The following PCDHA4 variants were observed in gnomAD, a reference collection of about 807,000 sequenced individuals.
PCDHA4 encodes protocadherin alpha 4.
Under a neutral mutation model 61.4 loss-of-function variants are expected in PCDHA4, and 49 were observed. That is an observed-to-expected ratio of 0.80 (90% CI 0.63 to 1.01). The LOEUF is 1.01. Ranked by LOEUF, PCDHA4 falls within the 50% of genes least tolerant of loss-of-function variation. The pLI is 0.00. For missense variants in PCDHA4, 1,254 were observed against 1,235.8 expected, an observed-to-expected ratio of 1.01 and a Z score of -0.22; for synonymous variants, 590 against 550.3, an observed-to-expected ratio of 1.07 and a Z score of -1.01.
Position 140,857,722 on chromosome 5 carries a change from C to G in PCDHA4, c.2385+48150C>G, listed in dbSNP as rs371525843. The G allele has an allele frequency of 7.4e-5, 119 of 1,597,430 alleles. 2 individuals carry two copies. The highest frequency in any genetic ancestry group is 6.2e-4 in the East Asian group (28 of 44,824). The stretch of plus-strand genomic sequence containing the variant: ...TGCAGGTGTTCGTGCTGGACGAGAA[C>G]GACAACGCTCCCGCGCTGCTGGCGT... On this transcript the variant is annotated intron_variant, in intron 1 of 3. Transcript: ENST00000530339.
chr5:140,935,550 C>G (rs1419018426), intron 1 of PCDHA4, among the ~76,000 whole-genome samples: 2 of 152,156 alleles, frequency 1.3e-5, no homozygotes, highest in African/African-American at 4.8e-5. Flanking sequence ...TTTAAAGTAT[C>G]TTGGAAAAGT....
intron 1 of PCDHA4, chr5:140,883,399 T>C (rs143292342): frequency 3.1e-5 from 50 of 1,614,100 alleles, no homozygotes; most frequent in Non-Finnish European, 4.1e-5. Flanking sequence ...TGTCCGATCG[T>C]GACTCTGGCT....
At chr5:140,943,613 C>G (rs1490811039) in intron 1 of PCDHA4, among the ~76,000 whole-genome samples, 1 of 152,026 alleles carries the variant, frequency 6.6e-6, no homozygotes, top group African/African-American at 2.4e-5. Context: ...GACTTTGATT[C>G]ATCTGCATAA....
chr5:140,978,140 T>C (rs1379052059), intron 1 of PCDHA4, among the ~76,000 whole-genome samples: 2 of 152,222 alleles, frequency 1.3e-5, no homozygotes, highest in Non-Finnish European at 2.9e-5. Flanking sequence ...ATTTTCCTCT[T>C]TGTTCTCCCC....
At chr5:140,993,464 A>T (rs1309811031) in intron 3 of PCDHA4, among the ~76,000 whole-genome samples, 11 of 28,960 alleles carry the variant, frequency 3.8e-4, no homozygotes, top group South Asian at 2.7e-3. Flanking sequence ...TTTCTTTCTC[A>T]CACACACACA....
rs965761415 is a variant in PCDHA4, at chr5:140,845,214, T to C, written c.2385+35642T>C. 9.4e-5 allele frequency among the ~76,000 whole-genome samples: 14 copies of C among 149,518 alleles called. 1 individual carries two copies. The highest frequency in any genetic ancestry group is 1.3e-4 in the Non-Finnish European group (9 of 66,830). On this transcript the variant is annotated intron_variant, in intron 1 of 3. Coordinates refer to ENST00000530339, the MANE Select transcript of PCDHA4 (RefSeq NM_018907.4). ...ATGATTGTTTTCATTTAAGTCCTTT[T>C]AAAAAATATGATTATCTTTATTATC... is the stretch of plus-strand genomic sequence containing the variant.
rs2150527140 is a variant in PCDHA4 at position 140,853,018 on chromosome 5, A to G, written c.2385+43446A>G. 8 of 268,768 alleles carry G rather than the reference A, an allele frequency of 3.0e-5. No homozygotes were observed. In the East Asian group the frequency reaches 8.8e-4, roughly 30 times the overall value. 16.6% of individuals were successfully genotyped at this position (268,768 alleles called of 1,614,324 possible). A position where few individuals can be genotyped will look rare whatever the true frequency, so the allele number is the denominator to read the frequency against. ...CTCAGCCTCCCGAGTAGCTGGGACT[A>G]CAGGCGCCTGCCACCATGCCCGCCT... On this transcript the variant is annotated intron_variant, in intron 1 of 3. Coordinates refer to ENST00000530339, the MANE Select transcript of PCDHA4 (RefSeq NM_018907.4).
At chr5:140,838,621 C>T (rs2150290768) in intron 1 of PCDHA4, among the ~76,000 whole-genome samples, 40 of 151,992 alleles carry the variant, frequency 2.6e-4, no homozygotes, top group Non-Finnish European at 5.1e-4. Context: ...AAATTTTTTA[C>T]AAATAATTTG....
intron 3 of PCDHA4, among the ~76,000 whole-genome samples, chr5:140,995,073 C>A (rs2097663037): frequency 6.6e-6 from 1 of 152,180 alleles, no homozygotes; most frequent in Non-Finnish European, 1.5e-5. Context: ...CAACCTACAG[C>A]AATCCAAACT....
At chr5:140,871,121 A>G (rs1554165161) in intron 1 of PCDHA4, 4 of 1,613,320 alleles carry the variant, frequency 2.5e-6, no homozygotes, top group Non-Finnish European at 3.4e-6. Context: ...GAGAGCGGAC[A>G]GGCGCCAAAG....
intron 1 of PCDHA4, among the ~76,000 whole-genome samples, chr5:140,950,849 T>G (rs1403920591): frequency 6.6e-6 from 1 of 152,120 alleles, no homozygotes; most frequent in Non-Finnish European, 1.5e-5. Flanking sequence ...ATACATTTCT[T>G]TCATATTCTT....
intron 1 of PCDHA4, chr5:140,834,523 G>A: frequency 1.9e-6 from 3 of 1,614,068 alleles, no homozygotes; most frequent in East Asian, 2.2e-5. Flanking sequence ...TTCGTGGGCC[G>A]CATCGCGCAG....
At chr5:140,967,206 G>A in intron 1 of PCDHA4, 2 of 1,613,644 alleles carry the variant, frequency 1.2e-6, no homozygotes, top group South Asian at 2.2e-5. Flanking sequence ...AACTCACCGC[G>A]TTTCCCGCGG....
chr5:140,953,960 A>G (rs2153700982), intron 1 of PCDHA4, among the ~76,000 whole-genome samples: 1 of 152,088 alleles, frequency 6.6e-6, no homozygotes, highest in South Asian at 2.1e-4. Flanking sequence ...AACAGGCCCC[A>G]GTGTGTGTTG....
chr5:140,882,859 GA>G (rs1554175853), intron 1 of PCDHA4: 4 of 1,614,192 alleles, frequency 2.5e-6, no homozygotes, highest in Non-Finnish European at 3.4e-6. Flanking sequence ...TTGTACTGAG[GA>G]AAACACTGGA....
Position 140,823,723 on chromosome 5 carries a change from G to A in PCDHA4, c.2385+14151G>A, listed in dbSNP as rs140011920. 3 of 1,613,814 alleles carry A rather than the reference G, an allele frequency of 1.9e-6. No individual in the cohort carries two copies. In the African/African-American group the frequency reaches 4.0e-5, roughly 22 times the overall value. ...ACCGCGCCACCGCCTTCTGGTGCTG[G>A]TGAAGGACCATGGAGAGCCCCCGCT... On this transcript the variant is annotated intron_variant, in intron 1 of 3. Coordinates refer to ENST00000530339, the MANE Select transcript of PCDHA4 (RefSeq NM_018907.4).
chr5:141,000,904 T>A lies in PCDHA4; in HGVS notation c.2534-8723T>A, dbSNP rs1398868730. Among the ~76,000 whole-genome samples, 6 of 151,990 alleles carry A rather than the reference T, an allele frequency of 3.9e-5. No individual in the cohort carries two copies. The East Asian group carries it at 1.2e-3, about 29-fold the overall frequency. On this transcript the variant is annotated intron_variant, in intron 3 of 3. Coordinates refer to ENST00000530339, the MANE Select transcript of PCDHA4 (RefSeq NM_018907.4). ...ACCTGGGCAACAGATATAGACGCTGTCTCTAAAAAAAAAAATCCTGTGTGA... is the reference window on the plus strand; with the variant it reads ...ACCTGGGCAACAGATATAGACGCTGACTCTAAAAAAAAAAATCCTGTGTGA...
chr5:141,003,520 C>T (rs1171208921), intron 3 of PCDHA4, among the ~76,000 whole-genome samples: 2 of 152,126 alleles, frequency 1.3e-5, no homozygotes, highest in Admixed American at 6.5e-5. Flanking sequence ...ACCATGTTCC[C>T]TAGGCTGGTC....
intron 1 of PCDHA4, among the ~76,000 whole-genome samples, chr5:140,840,382 G>C (rs1456193921): frequency 2.0e-5 from 3 of 151,912 alleles, no homozygotes; most frequent in Admixed American, 2.0e-4. Context: ...GAAAATAGGG[G>C]GTTGCAGATA....
Sources: allele counts gnomAD v4.1 joint callset (sites outside exome capture counted in the v4.1 genomes callset), GRCh38; gene constraint gnomAD v4.1.1; transcripts MANE v1.5; gene names NCBI Gene and HGNC (gene_info 2026-07-23, HGNC 2026-07-21).